The following MAF variants were observed in gnomAD, a reference collection of about 807,000 sequenced individuals.
MAF encodes the protein transcription factor Maf.
Under a neutral mutation model 22.0 loss-of-function variants are expected in MAF, and 10 were observed. The ratio of observed to expected loss-of-function variants is 0.45; its 90% CI spans 0.28 to 0.77. The LOEUF is 0.77. Among genes scored for constraint, MAF ranks in the 30% least tolerant of loss-of-function variants. The pLI is 0.12. For synonymous variants in MAF, 337 were observed against 255.8 expected (o/e 1.32, Z -3.03); for missense variants, 544 against 548.4 (o/e 0.99, Z 0.08).
the MAF span, among the ~76,000 whole-genome samples, chr16:79,208,027 C>T: frequency 1.3e-5 from 2 of 152,116 alleles, no homozygotes; most frequent in African/African-American, 4.8e-5. Context: ...TTTCTAAATC[C>T]CACCTTTCTG....
At chr16:79,314,404 A>G in the MAF span, among the ~76,000 whole-genome samples, 3 of 152,116 alleles carry the variant, frequency 2.0e-5, no homozygotes, top group Non-Finnish European at 4.4e-5. Context: ...TAACATTTAC[A>G]TGGAAGTCTG....
chr16:79,511,787 G>A, the MAF span, among the ~76,000 whole-genome samples: 4 of 152,152 alleles, frequency 2.6e-5, no homozygotes, highest in Admixed American at 2.6e-4. Context: ...CAATAAACTT[G>A]CCCAGGGTCA....
chr16:79,286,977 G>A, the MAF span, among the ~76,000 whole-genome samples: 20 of 152,288 alleles, frequency 1.3e-4, no homozygotes, highest in African/African-American at 4.1e-4. Flanking sequence ...AAAACCCTTT[G>A]GAAACCCATT....
chr16:79,597,763 G>T (rs1391221629), intron 1 of MAF: 114 of 1,018,568 alleles, frequency 1.1e-4, no homozygotes, highest in Non-Finnish European at 1.3e-4. Flanking sequence ...AAAAAAAAAG[G>T]AAAAAATAAT....
At chr16:79,426,925 T>C in the MAF span, among the ~76,000 whole-genome samples, 1 of 152,220 alleles carries the variant, frequency 6.6e-6, no homozygotes. Context: ...AAAACAATTC[T>C]AACGACATTC....
chr16:79,474,621 C>A, the MAF span, among the ~76,000 whole-genome samples: 4 of 152,142 alleles, frequency 2.6e-5, no homozygotes, highest in Non-Finnish European at 4.4e-5. Flanking sequence ...CAAATCACAG[C>A]GTTGGAATCT....
the MAF span, among the ~76,000 whole-genome samples, chr16:79,394,042 G>A: frequency 2.6e-5 from 4 of 152,160 alleles, no homozygotes; most frequent in Admixed American, 6.5e-5. Context: ...AAGAGGAGAC[G>A]AACGCTTCAC....
chr16:79,303,202 G>A, the MAF span, among the ~76,000 whole-genome samples: 8 of 152,220 alleles, frequency 5.3e-5, no homozygotes, highest in African/African-American at 1.9e-4. Context: ...GAAGCATATT[G>A]CAGAAGCATC....
the MAF span, among the ~76,000 whole-genome samples, chr16:79,441,039 G>C: frequency 8.5e-5 from 13 of 152,156 alleles, no homozygotes; most frequent in Non-Finnish European, 1.3e-4. Context: ...ATTAAAATCC[G>C]CCTCCATACA....
At chr16:79,543,460 C>T in the MAF span, among the ~76,000 whole-genome samples, 1 of 152,156 alleles carries the variant, frequency 6.6e-6, no homozygotes, top group African/African-American at 2.4e-5. Context: ...GGACACCTAG[C>T]GGATGTTCAA....
chr16:79,593,167 A>T (rs1378625104), downstream of MAF, among the ~76,000 whole-genome samples: 4 of 152,244 alleles, frequency 2.6e-5, no homozygotes, highest in East Asian at 5.8e-4. Flanking sequence ...TTGGCCTAGT[A>T]GACTGGAGGA....
the MAF span, among the ~76,000 whole-genome samples, chr16:79,509,328 G>A: frequency 6.6e-6 from 1 of 152,242 alleles, no homozygotes; most frequent in Non-Finnish European, 1.5e-5. Flanking sequence ...GCCCAGGAAG[G>A]AGGAGGCAGT....
chr16:79,301,686 A>G, the MAF span, among the ~76,000 whole-genome samples: 1 of 152,098 alleles, frequency 6.6e-6, no homozygotes, highest in Non-Finnish European at 1.5e-5. Context: ...ATTTTACTAT[A>G]TATGTTGTAC....
downstream of MAF, among the ~76,000 whole-genome samples, chr16:79,583,618 G>A (rs563080585): frequency 2.7e-4 from 41 of 152,280 alleles, no homozygotes; most frequent in South Asian, 6.2e-3. Flanking sequence ...CGTTCTGATC[G>A]GTCTTTCAGC....
At chr16:79,361,305 C>A in the MAF span, among the ~76,000 whole-genome samples, 1 of 152,128 alleles carries the variant, frequency 6.6e-6, no homozygotes, top group African/African-American at 2.4e-5. Flanking sequence ...CTGAGTCCCT[C>A]CTCTAGGTGT....
At chr16:79,512,446 A>G in the MAF span, among the ~76,000 whole-genome samples, 2 of 152,078 alleles carry the variant, frequency 1.3e-5, no homozygotes, top group Non-Finnish European at 2.9e-5. Context: ...TGGGTTCCAC[A>G]TTCCATGGAG....
the MAF span, among the ~76,000 whole-genome samples, chr16:79,335,651 T>C: frequency 1.3e-5 from 2 of 152,038 alleles, no homozygotes; most frequent in African/African-American, 4.8e-5. Flanking sequence ...CAGTGATGTG[T>C]CCCAGGCAGG....
the MAF span, among the ~76,000 whole-genome samples, chr16:79,522,587 A>G: frequency 1.3e-5 from 2 of 152,326 alleles, no homozygotes; most frequent in African/African-American, 2.4e-5. Context: ...TTGGGAGTTT[A>G]CACTCAAGCC....
At chr16:79,591,392 C>G (rs1913183588), downstream of MAF, among the ~76,000 whole-genome samples, 1 of 152,116 alleles carries the variant, frequency 6.6e-6, no homozygotes, top group Non-Finnish European at 1.5e-5. Flanking sequence ...TGAATTAATG[C>G]TCCTTCTAAT....
Sources: allele counts gnomAD v4.1 joint callset (sites outside exome capture counted in the v4.1 genomes callset), GRCh38; gene constraint gnomAD v4.1.1; transcripts MANE v1.5; gene names NCBI Gene and HGNC (gene_info 2026-07-23, HGNC 2026-07-21).